FOCAD: variants seen among roughly 807,000 people sequenced by gnomAD.
FOCAD encodes the protein focadhesin.
In FOCAD, 198 loss-of-function variants were observed where a neutral mutation model predicts 225.6. The ratio of observed to expected loss-of-function variants is 0.88; its 90% CI spans 0.78 to 0.99. The LOEUF (loss-of-function observed/expected upper bound fraction) is 0.99. FOCAD is among the 50% of genes least tolerant of loss of function. FOCAD has a pLI of 0.00. For synonymous variants in FOCAD, 897 were observed against 755.0 expected, an observed-to-expected ratio of 1.19 and a Z score of -3.08; for missense variants, 2,713 against 2,123.6, an observed-to-expected ratio of 1.28 and a Z score of -5.46.
intron 35 of FOCAD, 171 bp from the exon 36 acceptor site, chr9:20,976,249 T>C: frequency 1.9e-6 from 1 of 516,248 alleles, no homozygotes; most frequent in East Asian, 3.4e-5. Context: ...GGGAGCAAGC[T>C]TTTCTGGCAA....
chr9:20,693,647 C>T (rs1823113828), intron 1 of FOCAD, among the ~76,000 whole-genome samples: 1 of 152,168 alleles, frequency 6.6e-6, no homozygotes, highest in Non-Finnish European at 1.5e-5. Flanking sequence ...TATGGAAAAG[C>T]TCTGGACCAT....
chr9:20,971,695 C>G (rs1195591113), intron 35 of FOCAD, among the ~76,000 whole-genome samples: 1 of 152,072 alleles, frequency 6.6e-6, no homozygotes, highest in African/African-American at 2.4e-5. Context: ...TGAAACAGTT[C>G]TCCAGAACTT....
Position 20,982,567 on chromosome 9 carries a change from G to A in FOCAD, c.4728+121G>A, listed in dbSNP as rs1840796930. 35 of 742,686 alleles carry A rather than the reference G, an allele frequency of 4.7e-5. No homozygotes were observed. In the South Asian group the frequency reaches 5.7e-4, roughly 12 times the overall value. The allele number at this position is 742,686 out of a possible 1,614,324, so 46.0% of individuals were successfully genotyped here. On this transcript the variant is annotated intron_variant, in intron 39 of 43. Coordinates refer to ENST00000338382, the MANE Select transcript of FOCAD (RefSeq NM_001375567.1). ...CATTTTTGTTATTGGTTAATTTCAGGAAACTATATTTCATTTACATTGTTG... is the reference window on the plus strand; with the variant it reads ...CATTTTTGTTATTGGTTAATTTCAGAAAACTATATTTCATTTACATTGTTG...
rs1298773199 is a variant in FOCAD at position 20,759,366 on chromosome 9, A to G, written c.494+1175A>G. 2.6e-5 allele frequency among the ~76,000 whole-genome samples: 4 copies of G among 152,330 alleles called. 1 individual carries two copies. The highest frequency in any genetic ancestry group is 9.6e-5 in the African/African-American group (4 of 41,562). On this transcript the variant is annotated intron_variant, in intron 6 of 43. Coordinates refer to ENST00000338382, the MANE Select transcript of FOCAD (RefSeq NM_001375567.1). Reference sequence around the variant, plus strand: ...ATGGTACTGGTACCAAAACAGAGATATAGATCAATGGAACAGAACAGAGCC... The same window carrying G: ...ATGGTACTGGTACCAAAACAGAGATGTAGATCAATGGAACAGAACAGAGCC...
chr9:20,691,939 A>C (rs1823004928), intron 1 of FOCAD, among the ~76,000 whole-genome samples: 1 of 151,866 alleles, frequency 6.6e-6, no homozygotes, highest in Admixed American at 6.6e-5. Context: ...ACACCAGGCT[A>C]ATTTTTTTAT....
At chr9:20,664,451 T>C (rs1475602657) in intron 2 of FOCAD, among the ~76,000 whole-genome samples, 5 of 151,638 alleles carry the variant, frequency 3.3e-5, no homozygotes, top group Admixed American at 6.6e-5. Context: ...TACTAAGCAT[T>C]TTAAGGGCTC....
At chr9:20,874,109 G>A (rs1335748364) in intron 18 of FOCAD, 2 of 152,068 alleles carry the variant, frequency 1.3e-5, no homozygotes, top group African/African-American at 4.8e-5. Context: ...ACACAATAAT[G>A]TACAGCTACC....
intron 11 of FOCAD, among the ~76,000 whole-genome samples, chr9:20,790,725 T>G (rs1273269982): frequency 6.6e-6 from 1 of 152,080 alleles, no homozygotes; most frequent in Admixed American, 6.6e-5. Context: ...GAGCCGAGAT[T>G]GCGCCACTGC....
chr9:20,810,603 A>G (rs1281041573), intron 11 of FOCAD, among the ~76,000 whole-genome samples: 1 of 152,156 alleles, frequency 6.6e-6, no homozygotes, highest in Non-Finnish European at 1.5e-5. Context: ...AGCAATGGAT[A>G]TAACTGTTGA....
At chr9:20,755,396 G>T (rs1160718125) in intron 5 of FOCAD, among the ~76,000 whole-genome samples, 1 of 152,190 alleles carries the variant, frequency 6.6e-6, no homozygotes, top group Non-Finnish European at 1.5e-5. Flanking sequence ...CCCTCGGTAT[G>T]CATAAATGTA....
intron 1 of FOCAD, among the ~76,000 whole-genome samples, chr9:20,686,027 A>G (rs1822645110): frequency 6.6e-6 from 1 of 152,256 alleles, no homozygotes; most frequent in Non-Finnish European, 1.5e-5. Flanking sequence ...ACAGTCTGAG[A>G]CATAATATTC....
intron 4 of FOCAD, among the ~76,000 whole-genome samples, chr9:20,730,674 C>T (rs950855812): frequency 6.6e-6 from 1 of 152,118 alleles, no homozygotes; most frequent in Non-Finnish European, 1.5e-5. Flanking sequence ...GAAACAGCAT[C>T]TTCCAAATAG....
At chr9:20,950,935 C>T (rs1183129381) in intron 33 of FOCAD, 61 bp from the exon 34 acceptor site, 5 of 1,456,098 alleles carry the variant, frequency 3.4e-6, no homozygotes, top group African/African-American at 2.8e-5. Context: ...TGTGAGTGAC[C>T]TTTTATTGAA....
intron 28 of FOCAD, among the ~76,000 whole-genome samples, chr9:20,941,925 A>G (rs1836695722): frequency 6.6e-6 from 1 of 152,246 alleles, no homozygotes; most frequent in South Asian, 2.1e-4. Flanking sequence ...GAATTGCTGA[A>G]CTAAGCACCT....
At chr9:20,911,530 T>G (rs953201279) in intron 22 of FOCAD, among the ~76,000 whole-genome samples, 2 of 152,170 alleles carry the variant, frequency 1.3e-5, no homozygotes, top group Admixed American at 6.5e-5. Flanking sequence ...GATAAATTCA[T>G]GAAAGACGGT....
chr9:20,907,928 C>G (rs975890453), intron 22 of FOCAD, among the ~76,000 whole-genome samples: 12 of 152,050 alleles, frequency 7.9e-5, no homozygotes, highest in African/African-American at 2.9e-4. Context: ...GCGAGGACTT[C>G]CAGTTGTCTC....
At chr9:20,948,225 C>T (rs75262871) in intron 30 of FOCAD, 46 bp from the exon 31 acceptor site, 4 of 1,393,660 alleles carry the variant, frequency 2.9e-6, no homozygotes, top group Admixed American at 2.2e-5. Flanking sequence ...AAATCTGTGT[C>T]TTTTTTTTTT....
At chr9:20,712,661 C>G (rs10964670) in intron 1 of FOCAD, among the ~76,000 whole-genome samples, 58,989 of 143,356 alleles carry the variant, frequency 0.41, 12,886 homozygotes, top group South Asian at 0.51. Context: ...CTCTGTCTCA[C>G]AAAAAAGAAA....
rs1294618922 is a variant in FOCAD, at chr9:20,828,671, T to A, written c.1920+5556T>A. Among the ~76,000 whole-genome samples, 3 of 152,268 alleles carry A rather than the reference T, an allele frequency of 2.0e-5. No individual in the cohort carries two copies. In the East Asian group the frequency reaches 5.8e-4, roughly 29 times the overall value. ...AGTTCTGGGGTACATGTGCAGGATA[T>A]GCAGGTGTGTTACATAGGTAAACGT... On this transcript the variant is annotated intron_variant, in intron 15 of 43. Coordinates refer to ENST00000338382, the MANE Select transcript of FOCAD (RefSeq NM_001375567.1).
Sources: gnomAD v4.1 joint callset for allele counts (sites outside exome capture counted in the v4.1 genomes callset) on GRCh38, gnomAD v4.1.1 for gene constraint, MANE v1.5 for transcripts, NCBI Gene and HGNC (gene_info 2026-07-23, HGNC 2026-07-21) for gene names.